Variants in HCN3 observed in about 807,000 individuals in gnomAD.
The protein encoded by HCN3 is potassium/sodium hyperpolarization-activated cyclic nucleotide-gated channel 3.
In HCN3, 36 loss-of-function variants were observed where a neutral mutation model predicts 56.8. That is an observed-to-expected ratio of 0.63 (90% CI 0.49 to 0.84). The LOEUF (loss-of-function observed/expected upper bound fraction) is 0.84. Ranked by LOEUF, HCN3 falls within the 40% of genes least tolerant of loss-of-function variation. The pLI is 0.00. For synonymous variants in HCN3, 425 were observed against 439.7 expected (o/e 0.97, Z 0.42); for missense variants, 930 against 1,079.3 (o/e 0.86, Z 1.94).
In HCN3 at chr1:155,284,494, T is replaced by C. The variant is rs1674196610; in HGVS notation, c.871-45T>C. The stretch of plus-strand genomic sequence containing the variant: ...AAAAGGGGCAGGCAGAGAATGAGGC[T>C]CCGAGGGGCCCATGCCCAGCTCTGC... On this transcript the variant is annotated intron_variant, in intron 3 of 7. Coordinates refer to ENST00000368358, the MANE Select transcript of HCN3 (RefSeq NM_020897.3). This position sits in a 1 kb window ranked among gnomAD's most constrained non-coding sequence, Gnocchi z 4.3. 1.3e-6 allele frequency: 2 copies of C among 1,559,580 alleles called. No homozygotes were observed. Among genetic ancestry groups the C allele is most frequent in the African/African-American group, 1.4e-5 (1 of 73,866 alleles).
intron 6 of HCN3, among the ~76,000 whole-genome samples, chr1:155,286,763 C>T (rs1419790869): frequency 1.5e-5 from 2 of 136,604 alleles, no homozygotes; most frequent in African/African-American, 5.4e-5. Flanking sequence ...CTCTTTGATA[C>T]TGCTTTTCTC....
intron 1 of HCN3, among the ~76,000 whole-genome samples, chr1:155,280,727 C>A (rs1200993495): frequency 6.8e-6 from 1 of 147,544 alleles, no homozygotes; most frequent in African/African-American, 2.5e-5. Context: ...CGTGAGCCAC[C>A]ACGCCCAGCT....
rs750482495 is a variant in HCN3, at chr1:155,285,767, C to T, written c.1280C>T (p.Pro427Leu). Residue 427 changes from proline to leucine, a missense_variant, in exon 6 of 8, where the codon CCG becomes CTG. By Grantham distance (98) the Pro-to-Leu change is moderately conservative (BLOSUM62 -3). Transcript: ENST00000368358. The surrounding 1 kb of genome is among the most constrained non-coding windows in gnomAD (Gnocchi z 4.5). ...TGTCGGGGCCTGGTGGCCCACATGC[C>T]GCTGTTTGCCCATGCCGACCCCAGC... ...FTCRGLVAHM[P>L]LFAHADPSFV... is the part of the protein sequence containing the mutation. 6.2e-6 allele frequency: 10 copies of T among 1,614,028 alleles called. No individual in the cohort carries two copies. Among genetic ancestry groups the T allele is most frequent in the African/African-American group, 2.7e-5 (2 of 74,910 alleles).
Position 155,285,056 on chromosome 1 carries a change from C to T in HCN3, c.1090-109C>T, listed in dbSNP as rs1450661223. 2.4e-6 allele frequency: 3 copies of T among 1,263,338 alleles called. No individual in the cohort carries two copies. The highest frequency in any genetic ancestry group is 3.4e-6 in the Non-Finnish European group (3 of 895,408). The allele number at this position is 1,263,338 out of a possible 1,614,324, so 78.3% of individuals were successfully genotyped here. ...ATCCATGTCTGGTTCCACGTTTCAC[C>T]CCTTTGAGTTTGACCTGTGTCTCTG... On this transcript the variant is annotated intron_variant, in intron 4 of 7. Transcript: ENST00000368358. This position sits in a 1 kb window ranked among gnomAD's most constrained non-coding sequence, Gnocchi z 4.5.
rs1674393999 is a variant in HCN3 at position 155,288,423 on chromosome 1, CA to C, written c.2286del (p.Ala763ProfsTer21). ...CCCCCCAGGCCACCAGTGCCTGAGCCAGCCACACCCCGGGGTCTCCAGCTTT... is the reference window on the plus strand; with the variant it reads ...CCCCCCAGGCCACCAGTGCCTGAGCCGCCACACCCCGGGGTCTCCAGCTTT... Reference protein sequence around the residue: ...AQPPRPPVPEPATPRGLQLSA... With the variant: ...AQPPRPPVPEXATPRGLQLSA... On this transcript the variant is annotated frameshift_variant, in exon 8 of 8. Coordinates refer to ENST00000368358, the MANE Select transcript of HCN3 (RefSeq NM_020897.3). LOFTEE classifies it high-confidence loss of function. The surrounding 1 kb of genome is among the most constrained non-coding windows in gnomAD (Gnocchi z 6.5). 6.2e-7 allele frequency: 1 copy of C among 1,611,116 alleles called. No individual in the cohort carries two copies. The highest frequency in any genetic ancestry group is 1.3e-5 in the African/African-American group (1 of 74,942).
In HCN3 at chr1:155,277,572, T is replaced by C. The variant is rs1369618157; in HGVS notation, c.-19T>C. On this transcript the variant is annotated 5_prime_UTR_variant, in exon 1 of 8. Transcript: ENST00000368358. ...ACAGAGGGCTCTAGGAGGCCGAGCG[T>C]GTAAGCGGGGTGGGCGCCATGGAGG... is the stretch of plus-strand genomic sequence containing the variant. The C allele has an allele frequency of 2.8e-5, 43 of 1,554,476 alleles. No individual in the cohort carries two copies. The highest frequency in any genetic ancestry group is 3.7e-5 in the Non-Finnish European group (43 of 1,151,478).
At position 155,289,733 on chromosome 1, in the gene HCN3, C is replaced by T. The variant is rs1448839770; in HGVS notation, c.*1270C>T. The T allele has an allele frequency of 1.3e-5, 2 of 152,288 alleles. No individual in the cohort carries two copies. The highest frequency in any genetic ancestry group is 2.9e-5 in the Non-Finnish European group (2 of 68,058). 9.4% of individuals were successfully genotyped at this position (152,288 alleles called of 1,614,324 possible). ...TCTACAGCATTAAAGACTGTGGGAC[C>T]AGGACCCTAAGTCTCCTTTCCTTCT... On this transcript the variant is annotated 3_prime_UTR_variant, in exon 8 of 8. Transcript: ENST00000368358.
rs987239148 is a variant in HCN3, at chr1:155,282,691, T to C, written c.559T>C (p.Phe187Leu). The change falls in exon 2 of 8, where the codon TTC (phenylalanine) becomes CTC (leucine). Residue 187 changes from phenylalanine to leucine, a missense_variant. Phe to Leu is a conservative substitution (Grantham distance 22). Transcript: ENST00000368358. This position sits in a 1 kb window ranked among gnomAD's most constrained non-coding sequence, Gnocchi z 4.7. Reference sequence around the variant, plus strand: ...CTCTTCTATCCCTGTGGATTACATCTTCCTAGTGGTGGAGCTGGAGCCACG... The same window carrying C: ...CTCTTCTATCCCTGTGGATTACATCCTCCTAGTGGTGGAGCTGGAGCCACG... Reference protein sequence around the residue: ...LISSIPVDYIFLVVELEPRLD... With the variant: ...LISSIPVDYILLVVELEPRLD... 4.0e-5 allele frequency: 65 copies of C among 1,614,090 alleles called. No homozygotes were observed. The highest frequency in any genetic ancestry group is 5.4e-5 in the Non-Finnish European group (64 of 1,180,038).
rs1488494996 is a variant in HCN3, at chr1:155,277,596, G to T, written c.6G>T (p.Glu2Asp). The T allele has an allele frequency of 3.8e-6, 6 of 1,561,484 alleles. No homozygotes were observed. In the African/African-American group the frequency reaches 5.4e-5, roughly 14 times the overall value. The change falls in exon 1 of 8, where the codon GAG becomes GAT. Residue 2 changes from glutamate (E) to aspartate (D), a missense_variant. Physicochemically the swap from Glu to Asp is conservative, Grantham distance 45. Transcript: ENST00000368358. M[E>D]AEQRPAAGAS... Reference sequence around the variant, plus strand: ...GTGTAAGCGGGGTGGGCGCCATGGAGGCAGAGCAGCGGCCGGCGGCGGGGG... The same window carrying T: ...GTGTAAGCGGGGTGGGCGCCATGGATGCAGAGCAGCGGCCGGCGGCGGGGG...
rs41264939 is a variant in HCN3, at chr1:155,289,679, A to C, written c.*1216A>C. The C allele has an allele frequency of 6.0e-3, 917 of 152,270 alleles. 6 individuals are homozygous for C. The highest frequency in any genetic ancestry group is 7.6e-3 in the Non-Finnish European group (518 of 68,058). 9.4% of individuals were successfully genotyped at this position (152,270 alleles called of 1,614,324 possible). A position where few individuals can be genotyped will look rare whatever the true frequency, so the allele number is the denominator to read the frequency against. The stretch of plus-strand genomic sequence containing the variant: ...TCAGGGACAAGAGTAGTCCTTTACC[A>C]CCCTCACTCTGCCTGTCCCCTCTCC... On this transcript the variant is annotated 3_prime_UTR_variant, in exon 8 of 8. Coordinates refer to ENST00000368358, the MANE Select transcript of HCN3 (RefSeq NM_020897.3).
Position 155,285,301 on chromosome 1 carries a change from C to T in HCN3, c.1226C>T (p.Pro409Leu), listed in dbSNP as rs772287358. Residue 409 changes from proline (P) to leucine (L), a missense_variant, in exon 5 of 8, where the codon CCG (proline) becomes CTG (leucine). Coordinates refer to ENST00000368358, the MANE Select transcript of HCN3 (RefSeq NM_020897.3). This position sits in a 1 kb window ranked among gnomAD's most constrained non-coding sequence, Gnocchi z 4.5. ...EESILGELSE[P>L]LREEIINFTC... ...AGCATCCTGGGCGAGCTGAGCGAGC[C>T]GCTTCGCGAGGTGGGGCTGGGTTGG... 1.1e-5 allele frequency: 17 copies of T among 1,609,836 alleles called. No individual in the cohort carries two copies. The highest frequency in any genetic ancestry group is 2.2e-5 in the East Asian group (1 of 44,868).
chr1:155,282,992 G>A lies in HCN3; in HGVS notation c.708+152G>A. ...GAAGATGGGTGGGGCTTCCGTGCGT[G>A]AGCTCTCTCCAAAACTGGTGGGGGA... On this transcript the variant is annotated intron_variant, in intron 2 of 7. Transcript: ENST00000368358. The surrounding 1 kb of genome is among the most constrained non-coding windows in gnomAD (Gnocchi z 4.7). 1.3e-6 allele frequency: 1 copy of A among 783,984 alleles called. No individual in the cohort carries two copies. Among genetic ancestry groups the A allele is most frequent in the East Asian group, 2.7e-5 (1 of 37,256 alleles). The allele number at this position is 783,984 out of a possible 1,614,324, so 48.6% of individuals were successfully genotyped here. A position where few individuals can be genotyped will look rare whatever the true frequency, so the allele number is the denominator to read the frequency against.
intron 6 of HCN3, among the ~76,000 whole-genome samples, chr1:155,286,753 C>T (rs1674300863): frequency 7.3e-6 from 1 of 137,650 alleles, no homozygotes; most frequent in African/African-American, 2.7e-5. Context: ...TTGCACTTTG[C>T]TCTTTGATAC....
rs186909229 is a variant in HCN3, at chr1:155,280,134, G to A, written c.278+2266G>A. Among the ~76,000 whole-genome samples the A allele has an allele frequency of 1.2e-3, 183 of 151,750 alleles. 1 individual carries two copies. The highest frequency in any genetic ancestry group is 4.2e-3 in the African/African-American group (173 of 41,410). On this transcript the variant is annotated intron_variant, in intron 1 of 7. Coordinates refer to ENST00000368358, the MANE Select transcript of HCN3 (RefSeq NM_020897.3). ...GCTAATTTTTGTATTTTTAGTAGAC[G>A]TGGGGTTTCACCATTTTGTCCAGGC...
intron 1 of HCN3, among the ~76,000 whole-genome samples, chr1:155,279,117 G>A (rs4269766): frequency 6.6e-6 from 1 of 152,220 alleles, no homozygotes; most frequent in Non-Finnish European, 1.5e-5. Flanking sequence ...GGGCTTCCCA[G>A]AGGCCCGGAC....
At chr1:155,286,278 T>C (rs1359944171) in intron 6 of HCN3, among the ~76,000 whole-genome samples, 1 of 152,138 alleles carries the variant, frequency 6.6e-6, no homozygotes, top group Non-Finnish European at 1.5e-5. Context: ...CCCGAGTAGC[T>C]GGGACCACAG....
intron 1 of HCN3, among the ~76,000 whole-genome samples, chr1:155,280,528 C>T (rs1673989119): frequency 6.6e-6 from 1 of 151,540 alleles, no homozygotes; most frequent in Non-Finnish European, 1.5e-5. Flanking sequence ...GCTCCGCCTC[C>T]CGGGTTCACG....
chr1:155,284,837 G>A lies in HCN3; in HGVS notation c.1089+80G>A. The A allele has an allele frequency of 8.0e-7, 1 of 1,242,810 alleles. No homozygotes were observed. The highest frequency in any genetic ancestry group is 1.1e-6 in the Non-Finnish European group (1 of 884,928). 77.0% of individuals were successfully genotyped at this position (1,242,810 alleles called of 1,614,324 possible). A position where few individuals can be genotyped will look rare whatever the true frequency, so the allele number is the denominator to read the frequency against. Reference sequence around the variant, plus strand: ...AGCCTGACTTGAGGCCCATTCTGATGTGTGCCCCTGTTGCGTCTCTGTTTC... The same window carrying A: ...AGCCTGACTTGAGGCCCATTCTGATATGTGCCCCTGTTGCGTCTCTGTTTC... On this transcript the variant is annotated intron_variant, in intron 4 of 7. Transcript: ENST00000368358. This position sits in a 1 kb window ranked among gnomAD's most constrained non-coding sequence, Gnocchi z 4.3.
In HCN3 at chr1:155,284,431, C is replaced by A; in HGVS notation, c.871-108C>A. 1 of 1,222,262 alleles carries A rather than the reference C, an allele frequency of 8.2e-7. No homozygotes were observed. Among genetic ancestry groups the A allele is most frequent in the Non-Finnish European group, 1.1e-6 (1 of 889,308 alleles). The allele number at this position is 1,222,262 out of a possible 1,614,324, so 75.7% of individuals were successfully genotyped here. A position where few individuals can be genotyped will look rare whatever the true frequency, so the allele number is the denominator to read the frequency against. ...ACTTAAGTGCCTGCCAGGAGGAAGG[C>A]CTGCAGTAGAAGGGGCAGACAGAAA... On this transcript the variant is annotated intron_variant, in intron 3 of 7. Coordinates refer to ENST00000368358, the MANE Select transcript of HCN3 (RefSeq NM_020897.3). The surrounding 1 kb of genome is among the most constrained non-coding windows in gnomAD (Gnocchi z 4.3).
Sources: gnomAD v4.1 joint callset for allele counts (sites outside exome capture counted in the v4.1 genomes callset) on GRCh38, gnomAD v4.1.1 for gene constraint, Gnocchi (gnomAD v3.1) non-coding constraint, MANE v1.5 for transcripts, NCBI Gene and HGNC (gene_info 2026-07-23, HGNC 2026-07-21) for gene names.